NLRP12: variants seen among roughly 807,000 people sequenced by gnomAD.
The protein encoded by NLRP12 is NACHT, LRR and PYD domains-containing protein 12.
Under a neutral mutation model 91.2 loss-of-function variants are expected in NLRP12, and 108 were observed. The observed-to-expected ratio is 1.18, with a 90% CI of 1.01 to 1.39. NLRP12 has a LOEUF of 1.39. NLRP12 is among the 40% of genes most tolerant of loss of function. NLRP12 has a pLI of 0.00. For missense variants in NLRP12, 1,530 were observed against 1,352.7 expected (o/e 1.13, Z -2.06); for synonymous variants, 613 against 566.7 (o/e 1.08, Z -1.16).
rs1298189787 is a variant in NLRP12, at chr19:53,805,565, T to G, written c.2244-115A>C. 7 of 1,151,288 alleles carry G rather than the reference T, an allele frequency of 6.1e-6. No homozygotes were observed. The Admixed American group carries it at 1.1e-4, about 17-fold the overall frequency. The allele number at this position is 1,151,288 out of a possible 1,614,324, so 71.3% of individuals were successfully genotyped here. On this transcript the variant is annotated intron_variant, in intron 4 of 9. Coordinates refer to ENST00000324134, the MANE Select transcript of NLRP12 (RefSeq NM_144687.4). Reference sequence around the variant, plus strand: ...GACAGAGTCGCTCTGTCACCCAGGCTGGAGAGCAGTGGCATGATTTTGGCT... The same window carrying G: ...GACAGAGTCGCTCTGTCACCCAGGCGGGAGAGCAGTGGCATGATTTTGGCT...
rs1600674825 is a variant in NLRP12, at chr19:53,798,180, A to AT, written c.2927+62dup. The AT allele has an allele frequency of 3.2e-6, 5 of 1,543,498 alleles. No individual in the cohort carries two copies. In the East Asian group the frequency reaches 1.1e-4, roughly 35 times the overall value. Reference sequence around the variant, plus strand: ...TAGTTCATAAATAGAAAAATGAAGGATGAGAAGGCGCTTCCACTGTCCAAA... The same window carrying AT: ...TAGTTCATAAATAGAAAAATGAAGGATTGAGAAGGCGCTTCCACTGTCCAAA... On this transcript the variant is annotated intron_variant, in intron 8 of 9. Coordinates refer to ENST00000324134, the MANE Select transcript of NLRP12 (RefSeq NM_144687.4).
At chr19:53,815,570 T>TA (rs1445838609) in intron 1 of NLRP12, among the ~76,000 whole-genome samples, 5 of 150,826 alleles carry the variant, frequency 3.3e-5, no homozygotes, top group Non-Finnish European at 1.5e-5. Flanking sequence ...CAGTCTGGAC[T>TA]CCTCCCTTGT....
intron 5 of NLRP12, 22 bp downstream of exon 5, chr19:53,805,258 G>T (rs770895031): frequency 6.2e-7 from 1 of 1,609,722 alleles, no homozygotes; most frequent in East Asian, 2.2e-5. Context: ...TTAAGAAGTT[G>T]CTCCCGGGGA....
intron 1 of NLRP12, among the ~76,000 whole-genome samples, chr19:53,815,225 CTTTTTTTTT>C (rs59179749): frequency 1.0e-5 from 1 of 96,996 alleles, no homozygotes; most frequent in African/African-American, 4.5e-5. Context: ...TCCAATCAGT[CTTTTTTTTT>C]TTTTTTTTTT....
chr19:53,808,950 C>T (rs2092006731), intron 3 of NLRP12, among the ~76,000 whole-genome samples: 1 of 152,096 alleles, frequency 6.6e-6, no homozygotes, highest in South Asian at 2.1e-4. Context: ...CAAAATCACC[C>T]CCAGCTGAGA....
chr19:53,819,852 GAGAAA>G (rs914402041), intron 1 of NLRP12, among the ~76,000 whole-genome samples: 3 of 148,756 alleles, frequency 2.0e-5, no homozygotes, highest in African/African-American at 7.4e-5. Context: ...AGGAGAGGGA[GAGAAA>G]AGAAAAGAAA....
At chr19:53,816,958 C>T (rs1048817710) in intron 1 of NLRP12, among the ~76,000 whole-genome samples, 2 of 151,850 alleles carry the variant, frequency 1.3e-5, no homozygotes, top group African/African-American at 4.8e-5. Flanking sequence ...ATTGAATGCA[C>T]ATCAGTGTAA....
chr19:53,800,323 G>A (rs551619633), intron 7 of NLRP12, among the ~76,000 whole-genome samples: 1 of 152,028 alleles, frequency 6.6e-6, no homozygotes, highest in African/African-American at 2.4e-5. Context: ...GTAAAAATTA[G>A]CCATCTGTGG....
At chr19:53,818,994 A>G (rs1209622795) in intron 1 of NLRP12, among the ~76,000 whole-genome samples, 1 of 152,178 alleles carries the variant, frequency 6.6e-6, no homozygotes, top group East Asian at 1.9e-4. Context: ...GAGCAAAGCT[A>G]GACATCTGTC....
Position 53,811,253 on chromosome 19 carries a change from T to A in NLRP12, c.406A>T (p.Lys136Ter). 6.2e-7 allele frequency: 1 copy of A among 1,614,030 alleles called. No homozygotes were observed. Among genetic ancestry groups the A allele is most frequent in the Non-Finnish European group, 8.5e-7 (1 of 1,180,020 alleles). Residue 136 changes from lysine to a stop codon, truncating the protein, a stop_gained, in exon 3 of 10, where the codon AAA (lysine) becomes TAA (stop). Coordinates refer to ENST00000324134, the MANE Select transcript of NLRP12 (RefSeq NM_144687.4). LOFTEE classifies it high-confidence loss of function. ...TTGCGGTCTTCCATGAGCCGGAATT[T>A]CCTGCGGACATAGTCCCTGTAGGTT... ...QETYRDYVRRKFRLMEDRNAR... is the reference protein window; with the variant it reads ...QETYRDYVRR
intron 2 of NLRP12, among the ~76,000 whole-genome samples, 186 bp downstream of exon 2, chr19:53,814,722 G>A (rs576376558): frequency 4.5e-4 from 68 of 152,270 alleles, no homozygotes; most frequent in African/African-American, 1.5e-3. Context: ...GAGATGACAC[G>A]TGTCAGGACA....
chr19:53,810,648 A>C lies in NLRP12; in HGVS notation c.1011T>G (p.Ser337=). ...CCGTGGGCCGTGTGGTGATGAGCAA[A>C]GATAGCTCAGGGAGCAGCTTCTTCC... ...LIRKKLLPEL[S]LLITTRPTAL... The change falls in exon 3 of 10, where the codon TCT becomes TCG. Residue 337 remains serine, a synonymous_variant. Coordinates refer to ENST00000324134, the MANE Select transcript of NLRP12 (RefSeq NM_144687.4). 3.7e-6 allele frequency: 6 copies of C among 1,614,024 alleles called. No homozygotes were observed. The highest frequency in any genetic ancestry group is 4.2e-6 in the Non-Finnish European group (5 of 1,179,988).
chr19:53,817,358 A>T (rs1308583263), intron 1 of NLRP12, among the ~76,000 whole-genome samples: 2 of 151,838 alleles, frequency 1.3e-5, no homozygotes, highest in African/African-American at 4.8e-5. Flanking sequence ...TGAACCAGGG[A>T]GTCAGAGGTT....
Position 53,809,933 on chromosome 19 carries a change from C to G in NLRP12, c.1726G>C (p.Glu576Gln). Residue 576 changes from glutamate (E) to glutamine (Q), a missense_variant, in exon 3 of 10, where the codon GAG becomes CAG. Transcript: ENST00000324134. ...LLNEETRSHL[E>Q]KSLCWKVSPH... ...GAGACCTTCCAGCAGAGACTCTTCT[C>G]CAGGTGGCTCCTGGTCTCCTCGTTC... 6.2e-7 allele frequency: 1 copy of G among 1,614,124 alleles called. No homozygotes were observed. The highest frequency in any genetic ancestry group is 8.5e-7 in the Non-Finnish European group (1 of 1,180,040).
rs1312982379 is a variant in NLRP12 at position 53,807,118 on chromosome 19, A to C, written c.2243+377T>G. 4.0e-5 allele frequency among the ~76,000 whole-genome samples: 6 copies of C among 150,694 alleles called. No individual in the cohort carries two copies. The Admixed American group carries it at 4.0e-4, about 10-fold the overall frequency. On this transcript the variant is annotated intron_variant, in intron 4 of 9. Coordinates refer to ENST00000324134, the MANE Select transcript of NLRP12 (RefSeq NM_144687.4). ...AGTCTCACCGTATCACCCAGGCTGGAGTGCAGTGGCACAATCCCGGCTCAC... is the reference window on the plus strand; with the variant it reads ...AGTCTCACCGTATCACCCAGGCTGGCGTGCAGTGGCACAATCCCGGCTCAC...
intron 1 of NLRP12, among the ~76,000 whole-genome samples, chr19:53,818,771 C>T (rs1042088309): frequency 2.6e-5 from 4 of 152,172 alleles, no homozygotes; most frequent in African/African-American, 9.6e-5. Context: ...CCGCGAGAAC[C>T]AGCCACATCA....
intron 3 of NLRP12, among the ~76,000 whole-genome samples, 163 bp downstream of exon 3, chr19:53,809,424 G>A (rs1373721662): frequency 1.4e-5 from 2 of 143,890 alleles, no homozygotes; most frequent in African/African-American, 5.1e-5. Context: ...CCAGCTACTT[G>A]GGAGGCTGAA....
At chr19:53,796,430 G>C (rs1401766232) in intron 8 of NLRP12, among the ~76,000 whole-genome samples, 10 of 123,290 alleles carry the variant, frequency 8.1e-5, no homozygotes, top group Non-Finnish European at 1.2e-4. Context: ...TGTTGTATTA[G>C]TAGAGAGAGG....
chr19:53,797,939 G>A (rs566619743), intron 8 of NLRP12, among the ~76,000 whole-genome samples: 32 of 144,200 alleles, frequency 2.2e-4, no homozygotes, highest in East Asian at 8.7e-4. Context: ...GGGTTTCACC[G>A]TGTTAGGCTG....
Sources: allele counts gnomAD v4.1 joint callset (sites outside exome capture counted in the v4.1 genomes callset), GRCh38; gene constraint gnomAD v4.1.1; transcripts MANE v1.5; gene names NCBI Gene and HGNC (gene_info 2026-07-23, HGNC 2026-07-21).